Variants in UTRN observed in about 807,000 individuals in gnomAD.
UTRN encodes the protein utrophin.
In UTRN, 283 loss-of-function variants were observed where a neutral mutation model predicts 463.9. That is an observed-to-expected ratio of 0.61 (90% confidence interval 0.55 to 0.67). The LOEUF is 0.67. Ranked by LOEUF, UTRN falls within the 30% of genes least tolerant of loss-of-function variation. The pLI is 0.00. For synonymous variants in UTRN, 1,442 were observed against 1,431.5 expected, an observed-to-expected ratio of 1.01 and a Z score of -0.17; for missense variants, 3,922 against 4,084.3, an observed-to-expected ratio of 0.96 and a Z score of 1.08.
chr6:144,396,233 T>C (rs951727715), intron 2 of UTRN, among the ~76,000 whole-genome samples: 2 of 152,216 alleles, frequency 1.3e-5, no homozygotes, highest in African/African-American at 4.8e-5. Flanking sequence ...ACAACATGGA[T>C]GAAACCTTGA....
intron 51 of UTRN, among the ~76,000 whole-genome samples, chr6:144,584,156 A>G (rs1006270302): frequency 6.6e-6 from 1 of 152,178 alleles, no homozygotes; most frequent in Non-Finnish European, 1.5e-5. Flanking sequence ...ATTTAATTTC[A>G]CTTGGATGGA....
intron 3 of UTRN, among the ~76,000 whole-genome samples, chr6:144,416,668 C>T (rs753232657): frequency 2.6e-5 from 4 of 152,152 alleles, no homozygotes; most frequent in East Asian, 1.9e-4. Context: ...AAGCTGGCCA[C>T]GCCAGGGCTG....
chr6:144,388,006 G>A (rs1781557450), intron 2 of UTRN, among the ~76,000 whole-genome samples: 1 of 152,108 alleles, frequency 6.6e-6, no homozygotes, highest in South Asian at 2.1e-4. Context: ...TTAAAGTGGA[G>A]AAAAATACAC....
chr6:144,548,485 T>C (rs1212367241), intron 46 of UTRN, among the ~76,000 whole-genome samples, 155 bp from the exon 47 acceptor site: 3 of 152,340 alleles, frequency 2.0e-5, no homozygotes, highest in East Asian at 1.9e-4. Context: ...TTACAGGTAA[T>C]ACCATAGCCA....
chr6:144,782,071 G>C lies in UTRN; in HGVS notation c.8782G>C (p.Val2928Leu). 1 of 1,613,920 alleles carries C rather than the reference G, an allele frequency of 6.2e-7. No individual in the cohort carries two copies. The highest frequency in any genetic ancestry group is 1.1e-5 in the South Asian group (1 of 91,030). Residue 2928 changes from valine to leucine, a missense_variant, in exon 61 of 75, where the codon GTT becomes CTT. By Grantham distance (32) the Val-to-Leu change is conservative. Transcript: ENST00000367545. Reference sequence around the variant, plus strand: ...GCAAATGCATAAGGACCTGGTCAACGTTCCACTCTGTGTTGATATGTGTCT... The same window carrying C: ...GCAAATGCATAAGGACCTGGTCAACCTTCCACTCTGTGTTGATATGTGTCT... ...LEQMHKDLVN[V>L]PLCVDMCLNW...
intron 37 of UTRN, 57 bp downstream of exon 37, chr6:144,514,877 A>T (rs529533707): frequency 6.6e-7 from 1 of 1,524,536 alleles, no homozygotes; most frequent in African/African-American, 1.4e-5. Flanking sequence ...TATCTAAATG[A>T]TAGTCATACA....
At chr6:144,676,014 A>G (rs1781553685) in intron 51 of UTRN, among the ~76,000 whole-genome samples, 1 of 152,124 alleles carries the variant, frequency 6.6e-6, no homozygotes, top group Non-Finnish European at 1.5e-5. Flanking sequence ...ATTTTACTTA[A>G]ACTGCCCCCA....
In UTRN at chr6:144,817,303, C is replaced by A. The variant is rs79942830; in HGVS notation, c.9358-3579C>A. 6.2e-3 allele frequency among the ~76,000 whole-genome samples: 937 copies of A among 152,204 alleles called. 7 individuals are homozygous for A. Among genetic ancestry groups the A allele is most frequent in the African/African-American group, 0.02 (848 of 41,542 alleles). On this transcript the variant is annotated intron_variant, in intron 65 of 74. Transcript: ENST00000367545. The stretch of plus-strand genomic sequence containing the variant: ...TGCAAAATCTGTTCTCCTTTTCTTA[C>A]AGAAATAAACAGAAACCGAATCTTC...
chr6:144,549,002 T>A, intron 47 of UTRN, 148 bp downstream of exon 47: 1 of 770,368 alleles, frequency 1.3e-6, no homozygotes, highest in Non-Finnish European at 2.1e-6. Flanking sequence ...CAGGGCTAAC[T>A]ACAAAGCATA....
At chr6:144,532,264 A>C (rs1268654896) in intron 42 of UTRN, among the ~76,000 whole-genome samples, 1 of 152,206 alleles carries the variant, frequency 6.6e-6, no homozygotes, top group Non-Finnish European at 1.5e-5. Context: ...AGACCAGTGT[A>C]TTAGTCTGTT....
chr6:144,430,532 T>A (rs1785707764), intron 9 of UTRN, among the ~76,000 whole-genome samples: 1 of 152,156 alleles, frequency 6.6e-6, no homozygotes. Flanking sequence ...AGAAAGCTTC[T>A]CTGGATGGAC....
intron 43 of UTRN, among the ~76,000 whole-genome samples, 172 bp from the exon 44 acceptor site, chr6:144,537,410 A>G (rs1036293251): frequency 1.3e-5 from 2 of 151,922 alleles, no homozygotes; most frequent in African/African-American, 4.8e-5. Context: ...TTATTAAGCA[A>G]TCTTTATATT....
At chr6:144,455,488 TG>T (rs576886017) in intron 19 of UTRN, among the ~76,000 whole-genome samples, 2 of 152,242 alleles carry the variant, frequency 1.3e-5, no homozygotes, top group South Asian at 4.1e-4. Context: ...GCATTGTACC[TG>T]GTGACTCTGA....
At position 144,819,877 on chromosome 6, in the gene UTRN, G is replaced by GCCTCCTCCT. The variant is rs535515378; in HGVS notation, c.9358-976_9358-968dup. ...CCTTCTCCCCTTCTCCTCCTCCGCC[G>GCCTCCTCCT]CCTCCTCCTCCTCCTCCTCCTCCTC... On this transcript the variant is annotated intron_variant, in intron 65 of 74. Coordinates refer to ENST00000367545, the MANE Select transcript of UTRN (RefSeq NM_007124.3). Among the ~76,000 whole-genome samples, 137 of 127,270 alleles carry GCCTCCTCCT rather than the reference G, an allele frequency of 1.1e-3. 1 individual carries two copies. Among genetic ancestry groups the GCCTCCTCCT allele is most frequent in the African/African-American group, 3.2e-3 (99 of 30,794 alleles). 83.5% of individuals were successfully genotyped at this position (127,270 alleles called of 152,430 possible).
intron 2 of UTRN, among the ~76,000 whole-genome samples, chr6:144,322,300 G>A (rs11964331): frequency 5.3e-5 from 8 of 151,840 alleles, no homozygotes; most frequent in African/African-American, 1.7e-4. Flanking sequence ...TGTTTGTGTA[G>A]CAAGTGATCT....
chr6:144,786,443 G>A (rs978621194), intron 61 of UTRN, among the ~76,000 whole-genome samples: 57 of 152,104 alleles, frequency 3.7e-4, no homozygotes, highest in African/African-American at 1.3e-3. Context: ...GCGCCACCAC[G>A]CCCAGCTAAT....
At chr6:144,708,263 G>A in intron 53 of UTRN, 1 of 647,916 alleles carries the variant, frequency 1.5e-6, no homozygotes, top group Non-Finnish European at 2.9e-6. Context: ...TTCAATACTT[G>A]GAATTGCAAT....
chr6:144,321,673 T>C (rs1049551913), intron 2 of UTRN, among the ~76,000 whole-genome samples: 4 of 151,794 alleles, frequency 2.6e-5, no homozygotes, highest in Admixed American at 6.6e-5. Context: ...GGTTTCACCA[T>C]GTTGGTCAGG....
At chr6:144,389,512 A>G (rs902393160) in intron 2 of UTRN, among the ~76,000 whole-genome samples, 7 of 151,654 alleles carry the variant, frequency 4.6e-5, no homozygotes, top group Non-Finnish European at 1.0e-4. Flanking sequence ...TTTTTTTTGC[A>G]CTTTTTATTT....
Sources: allele counts gnomAD v4.1 joint callset (sites outside exome capture counted in the v4.1 genomes callset), GRCh38; gene constraint gnomAD v4.1.1; transcripts MANE v1.5; gene names NCBI Gene and HGNC (gene_info 2026-07-23, HGNC 2026-07-21).